CENPK: variants seen among roughly 807,000 people sequenced by gnomAD.
CENPK encodes the protein SoxLZ/Sox6-binding protein Solt.
In CENPK, 46 loss-of-function variants were observed where a neutral mutation model predicts 40.9. That is an observed-to-expected ratio of 1.13 (90% CI 0.89 to 1.44). The LOEUF is 1.44. CENPK is among the 40% of genes most tolerant of loss of function. CENPK has a pLI of 0.00. For missense variants in CENPK, 288 were observed against 303.5 expected, an observed-to-expected ratio of 0.95 and a Z score of 0.38; for synonymous variants, 107 against 104.4, an observed-to-expected ratio of 1.02 and a Z score of -0.15.
intron 1 of CENPK, among the ~76,000 whole-genome samples, chr5:65,562,500 G>C (rs994160081): frequency 6.6e-6 from 1 of 152,184 alleles, no homozygotes; most frequent in African/African-American, 2.4e-5. Flanking sequence ...ATTTTATTAG[G>C]TTGGTGCAAA....
At chr5:65,528,856 T>C (rs1745214314) in intron 8 of CENPK, 63 bp downstream of exon 8, 2 of 1,087,810 alleles carry the variant, frequency 1.8e-6, no homozygotes, top group Admixed American at 4.8e-5. Context: ...CATCTATGTT[T>C]CATGTAACAC....
chr5:65,533,326 G>C (rs1232690698), intron 6 of CENPK, among the ~76,000 whole-genome samples: 2 of 111,448 alleles, frequency 1.8e-5, no homozygotes, highest in East Asian at 6.6e-4. Flanking sequence ...CTCCAGCCTG[G>C]GTGACAGAGT....
chr5:65,523,740 A>C (rs550206850), intron 9 of CENPK, among the ~76,000 whole-genome samples: 5 of 152,190 alleles, frequency 3.3e-5, no homozygotes, highest in South Asian at 2.1e-4. Flanking sequence ...GAAAAATAAC[A>C]TATCTTTTTC....
rs150981311 is a variant in CENPK, at chr5:65,523,242, CTA to C, written c.598-1716_598-1715del. On this transcript the variant is annotated intron_variant, in intron 9 of 10. Coordinates refer to ENST00000396679, the MANE Select transcript of CENPK (RefSeq NM_022145.5). ...TTGTAAACTTTGATAGCCACATATT[CTA>C]TCTCTTTAAGTTATTGTTAAAAATG... 9.4e-3 allele frequency among the ~76,000 whole-genome samples: 1,435 copies of C among 152,256 alleles called. 20 individuals are homozygous for C. The highest frequency in any genetic ancestry group is 0.032 in the African/African-American group (1,347 of 41,558).
chr5:65,562,410 G>A (rs1752157156), intron 1 of CENPK, among the ~76,000 whole-genome samples: 1 of 152,110 alleles, frequency 6.6e-6, no homozygotes. Flanking sequence ...AAAATAAAGT[G>A]CCTACTATGG....
chr5:65,550,600 T>C (rs1749796826), intron 5 of CENPK: 1 of 152,184 alleles, frequency 6.6e-6, no homozygotes, highest in African/African-American at 2.4e-5. Flanking sequence ...TAATAATGAC[T>C]TAAAAGTCTA....
rs185570077 is a variant in CENPK at position 65,532,351 on chromosome 5, C to T, written c.289-3152G>A. On this transcript the variant is annotated intron_variant, in intron 6 of 10. Transcript: ENST00000396679. Reference sequence around the variant, plus strand: ...CAAATACTTCAGGAATAAAAAATTACTATTCTATACAAACTCTTTTGAAGA... The same window carrying T: ...CAAATACTTCAGGAATAAAAAATTATTATTCTATACAAACTCTTTTGAAGA... Among the ~76,000 whole-genome samples the T allele has an allele frequency of 2.0e-5, 3 of 152,206 alleles. No homozygotes were observed. The East Asian group carries it at 5.8e-4, about 29-fold the overall frequency.
chr5:65,545,320 GCGCGCACACACACACACACACACACA>G (rs1748695668), intron 5 of CENPK, among the ~76,000 whole-genome samples: 1 of 34,584 alleles, frequency 2.9e-5, no homozygotes, highest in African/African-American at 1.2e-4. Flanking sequence ...AGTCCTCAAA[GCGCGCACACACACACACACACACACA>G]CACACACACA....
intron 9 of CENPK, 56 bp downstream of exon 9, chr5:65,528,392 AACCC>A (rs1745122307): frequency 9.3e-6 from 14 of 1,501,856 alleles, no homozygotes; most frequent in Non-Finnish European, 1.1e-5. Context: ...TATGCTTCTA[AACCC>A]ACCTAAAATA....
the CENPK span, among the ~76,000 whole-genome samples, chr5:65,497,558 C>A: frequency 6.6e-6 from 1 of 152,114 alleles, no homozygotes; most frequent in South Asian, 2.1e-4. Context: ...GAAGTGATGT[C>A]CCTTTGTTCT....
At chr5:65,513,297 C>T (rs1561602398), downstream of CENPK, among the ~76,000 whole-genome samples, 2 of 152,026 alleles carry the variant, frequency 1.3e-5, no homozygotes, top group Non-Finnish European at 2.9e-5. Flanking sequence ...TATTCTGGGT[C>T]GTTCCCTCAT....
chr5:65,498,094 T>C, the CENPK span, among the ~76,000 whole-genome samples: 1 of 152,148 alleles, frequency 6.6e-6, no homozygotes, highest in Non-Finnish European at 1.5e-5. Context: ...TTCTGTTGGA[T>C]TTTGCATCTA....
the CENPK span, among the ~76,000 whole-genome samples, chr5:65,502,949 G>GCACACAC: frequency 6.6e-6 from 1 of 151,686 alleles, no homozygotes; most frequent in South Asian, 2.1e-4. Context: ...GGAACTACAG[G>GCACACAC]CACCATGCCT....
intron 6 of CENPK, among the ~76,000 whole-genome samples, chr5:65,534,696 A>T (rs1044857928): frequency 6.6e-6 from 1 of 152,232 alleles, no homozygotes; most frequent in Non-Finnish European, 1.5e-5. Flanking sequence ...AAATGACCCG[A>T]TATCACTAAC....
chr5:65,562,488 G>A (rs16893963), intron 1 of CENPK, among the ~76,000 whole-genome samples: 7,179 of 152,116 alleles, frequency 0.047, 289 homozygotes, highest in African/African-American at 0.1. Context: ...TTTACGACGA[G>A]GATTTTATTA....
intron 6 of CENPK, among the ~76,000 whole-genome samples, chr5:65,536,092 A>G (rs950572850): frequency 6.6e-6 from 1 of 152,200 alleles, no homozygotes; most frequent in Non-Finnish European, 1.5e-5. Flanking sequence ...AGCTAAATAT[A>G]CAATCCCCTT....
downstream of CENPK, among the ~76,000 whole-genome samples, chr5:65,515,359 C>T (rs776597994): frequency 2.6e-5 from 4 of 151,890 alleles, no homozygotes; most frequent in African/African-American, 7.3e-5. Context: ...CCTGCCATCA[C>T]GCCCGGCTAA....
At chr5:65,511,623 G>GAGC in the CENPK span, among the ~76,000 whole-genome samples, 236 of 152,326 alleles carry the variant, frequency 1.5e-3, 1 homozygote, top group African/African-American at 5.6e-3. Flanking sequence ...CACAGGAGGT[G>GAGC]AGCAGCAGGT....
downstream of CENPK, among the ~76,000 whole-genome samples, chr5:65,512,886 A>C (rs559310852): frequency 3.3e-4 from 51 of 152,338 alleles, no homozygotes; most frequent in South Asian, 0.011. Context: ...TGGTAGGCAC[A>C]TAGTGATATC....
Sources: allele counts gnomAD v4.1 joint callset (sites outside exome capture counted in the v4.1 genomes callset), GRCh38; gene constraint gnomAD v4.1.1; transcripts MANE v1.5; gene names NCBI Gene and HGNC (gene_info 2026-07-23, HGNC 2026-07-21).